The following SMARCAD1 variants were observed in gnomAD, a reference collection of about 807,000 sequenced individuals.
SMARCAD1 encodes the protein SNF2 related chromatin remodeling ATPase with DExD box 1.
Under a neutral mutation model 127.1 loss-of-function variants are expected in SMARCAD1, and 25 were observed. The observed-to-expected ratio is 0.20, with a 90% CI of 0.14 to 0.27. SMARCAD1 has a LOEUF of 0.27. SMARCAD1 is among the 10% of genes least tolerant of loss of function. SMARCAD1 has a pLI of 1.00. For synonymous variants in SMARCAD1, 400 were observed against 396.9 expected, an observed-to-expected ratio of 1.01 and a Z score of -0.09; for missense variants, 807 against 1,206.0, an observed-to-expected ratio of 0.67 and a Z score of 4.90.
At chr4:94,243,572 A>C (rs1198895009) in intron 6 of SMARCAD1, among the ~76,000 whole-genome samples, 1 of 152,188 alleles carries the variant, frequency 6.6e-6, no homozygotes, top group Non-Finnish European at 1.5e-5. Context: ...TACATCAGTC[A>C]GTTCTGTTTT....
At chr4:94,254,237 C>T (rs776652112) in intron 9 of SMARCAD1, among the ~76,000 whole-genome samples, 1 of 152,076 alleles carries the variant, frequency 6.6e-6, no homozygotes, top group African/African-American at 2.4e-5. Flanking sequence ...ACTTGTTTGG[C>T]TTTGCCTGAG....
rs184864577 is a variant in SMARCAD1, at chr4:94,283,018, A to G, written c.2727-103A>G. ...ATAACTGCAATACTAAGAGATGTAC[A>G]TACATCTTCAGGTTTCTTTTTCATG... On this transcript the variant is annotated intron_variant, in intron 21 of 23. Transcript: ENST00000354268. The G allele has an allele frequency of 1.5e-4, 135 of 923,034 alleles. 2 individuals are homozygous for G. The East Asian group carries it at 3.2e-3, about 22-fold the overall frequency. 57.2% of individuals were successfully genotyped at this position (923,034 alleles called of 1,614,324 possible).
intron 6 of SMARCAD1, among the ~76,000 whole-genome samples, chr4:94,245,692 A>G (rs1748303566): frequency 1.3e-5 from 2 of 152,116 alleles, no homozygotes; most frequent in Admixed American, 1.3e-4. Context: ...GCTCATATTT[A>G]TTGTAGTATT....
At chr4:94,228,018 A>G (rs1379304187) in intron 3 of SMARCAD1, among the ~76,000 whole-genome samples, 7 of 152,134 alleles carry the variant, frequency 4.6e-5, no homozygotes, top group Non-Finnish European at 1.0e-4. Context: ...ATTGAGGTAA[A>G]AGGCTACATG....
Position 94,289,648 on chromosome 4 carries a change from C to T in SMARCAD1, c.*114C>T. 9.7e-7 allele frequency: 1 copy of T among 1,032,042 alleles called. No individual in the cohort carries two copies. The highest frequency in any genetic ancestry group is 1.5e-6 in the Non-Finnish European group (1 of 652,676). The allele number at this position is 1,032,042 out of a possible 1,614,324, so 63.9% of individuals were successfully genotyped here. A position where few individuals can be genotyped will look rare whatever the true frequency, so the allele number is the denominator to read the frequency against. Reference sequence around the variant, plus strand: ...AACATTTATAACTTTTTATAATTTCCATATTACATTTCTCATAGTATGGAC... The same window carrying T: ...AACATTTATAACTTTTTATAATTTCTATATTACATTTCTCATAGTATGGAC... On this transcript the variant is annotated 3_prime_UTR_variant, in exon 24 of 24. Coordinates refer to ENST00000354268, the MANE Select transcript of SMARCAD1 (RefSeq NM_020159.5).
intron 2 of SMARCAD1, among the ~76,000 whole-genome samples, chr4:94,214,796 T>G (rs1379130932): frequency 6.6e-6 from 1 of 152,118 alleles, no homozygotes; most frequent in Non-Finnish European, 1.5e-5. Context: ...TAGTATATGT[T>G]TGATGAATTT....
intron 9 of SMARCAD1, among the ~76,000 whole-genome samples, chr4:94,257,237 T>G (rs1750241056): frequency 6.6e-6 from 1 of 152,218 alleles, no homozygotes; most frequent in East Asian, 1.9e-4. Flanking sequence ...GAGAATGATT[T>G]GTTTTACCTA....
At position 94,208,591 on chromosome 4, in the gene SMARCAD1, T is replaced by C. The variant is rs1456374231; in HGVS notation, c.190+7T>C. ...GATATAACTGAAAAAACAGGTGAGT[T>C]ACAATGTTAAAATTGATGTAACATC... is the stretch of plus-strand genomic sequence containing the variant. On this transcript the variant is annotated splice_region_variant and intron_variant, in intron 2 of 23. Transcript: ENST00000354268. 4 of 1,613,266 alleles carry C rather than the reference T, an allele frequency of 2.5e-6. No homozygotes were observed. In the South Asian group the frequency reaches 3.3e-5, roughly 13 times the overall value.
intron 11 of SMARCAD1, 142 bp downstream of exon 11, chr4:94,270,960 T>A: frequency 1.4e-6 from 1 of 694,568 alleles, no homozygotes; most frequent in Non-Finnish European, 2.6e-6. Flanking sequence ...CTCATCTTTG[T>A]TTTTGATAGA....
chr4:94,253,143 C>G, intron 9 of SMARCAD1, 136 bp downstream of exon 9: 1 of 1,530,110 alleles, frequency 6.5e-7, no homozygotes, highest in Non-Finnish European at 8.9e-7. Flanking sequence ...ACATTACTTT[C>G]ATTGTAAGCC....
intron 23 of SMARCAD1, among the ~76,000 whole-genome samples, chr4:94,286,625 T>C (rs79658182): frequency 0.032 from 4,865 of 152,302 alleles, 173 homozygotes; most frequent in East Asian, 0.16. Flanking sequence ...CTCCTTTGTC[T>C]AATTCCCTTA....
intron 3 of SMARCAD1, among the ~76,000 whole-genome samples, chr4:94,228,922 A>G (rs1310011056): frequency 2.0e-5 from 3 of 152,060 alleles, no homozygotes; most frequent in Non-Finnish European, 4.4e-5. Context: ...ATTTTTCTAA[A>G]TTTGGGTTTA....
chr4:94,244,189 T>A (rs1237545817), intron 6 of SMARCAD1, among the ~76,000 whole-genome samples: 2 of 152,188 alleles, frequency 1.3e-5, no homozygotes. Context: ...CTCATACAGA[T>A]CTTTGTAATT....
intron 11 of SMARCAD1, among the ~76,000 whole-genome samples, chr4:94,272,312 A>G (rs533468386): frequency 1.3e-5 from 2 of 152,358 alleles, no homozygotes; most frequent in South Asian, 2.1e-4. Flanking sequence ...GACACAATTC[A>G]GTCCACAACA....
intron 9 of SMARCAD1, chr4:94,253,212 C>T: frequency 4.7e-6 from 7 of 1,505,248 alleles, no homozygotes. Flanking sequence ...GGGTGATTTT[C>T]CTGAAAAAAC....
chr4:94,226,054 ATAAC>A (rs1744933857), intron 2 of SMARCAD1, 61 bp from the exon 3 acceptor site: 2 of 1,321,732 alleles, frequency 1.5e-6, no homozygotes, highest in East Asian at 2.3e-5. Context: ...GCACATGATT[ATAAC>A]TAACAACAGA....
chr4:94,207,960 G>T lies in SMARCAD1; in HGVS notation c.-160G>T. On this transcript the variant is annotated 5_prime_UTR_variant, in exon 1 of 24. Coordinates refer to ENST00000354268, the MANE Select transcript of SMARCAD1 (RefSeq NM_020159.5). The stretch of plus-strand genomic sequence containing the variant: ...CCGCAGTGTCGAGGCGCGGGCCCTG[G>T]CAGGTCCTTTCTCGAGGCAGGGGGC... 1.7e-5 allele frequency: 6 copies of T among 361,258 alleles called. No homozygotes were observed. Among genetic ancestry groups the T allele is most frequent in the South Asian group, 1.3e-4 (6 of 47,804 alleles). 22.4% of individuals were successfully genotyped at this position (361,258 alleles called of 1,614,324 possible).
At chr4:94,289,366 C>A (rs1338964044) in intron 23 of SMARCAD1, 107 bp from the exon 24 acceptor site, 4 of 984,696 alleles carry the variant, frequency 4.1e-6, no homozygotes, top group East Asian at 5.2e-5. Context: ...GCAAACTAGC[C>A]CTTGAAAGAT....
At chr4:94,233,805 A>G (rs1373563299) in intron 3 of SMARCAD1, 149 bp from the exon 4 acceptor site, 2 of 831,634 alleles carry the variant, frequency 2.4e-6, no homozygotes, top group East Asian at 2.7e-5. Flanking sequence ...GAAATGGAAA[A>G]AAAAGGTCTC....
Sources: gnomAD v4.1 joint callset for allele counts (sites outside exome capture counted in the v4.1 genomes callset) on GRCh38, gnomAD v4.1.1 for gene constraint, MANE v1.5 for transcripts, NCBI Gene and HGNC (gene_info 2026-07-23, HGNC 2026-07-21) for gene names.